The following HPS4 variants were observed in gnomAD, a reference collection of about 807,000 sequenced individuals.
HPS4 encodes the protein HPS4 biogenesis of lysosomal organelles complex 3 subunit 2, also known as BLOC-3 complex member HPS4.
A neutral mutation model predicts 70.3 loss-of-function variants in HPS4; 44 were observed. The observed-to-expected ratio is 0.63, with a 90% CI of 0.49 to 0.80. The LOEUF (loss-of-function observed/expected upper bound fraction) is 0.80, where lower values mean the gene tolerates loss of function less well. Among genes scored for constraint, HPS4 ranks in the 30% least tolerant of loss-of-function variants. HPS4 has a pLI of 0.00. For synonymous variants in HPS4, 377 were observed against 355.9 expected (o/e 1.06, Z -0.67); for missense variants, 873 against 884.4 (o/e 0.99, Z 0.16).
chr22:26,479,840 C>T (rs1324721854), intron 2 of HPS4, among the ~76,000 whole-genome samples: 1 of 152,198 alleles, frequency 6.6e-6, no homozygotes, highest in Non-Finnish European at 1.5e-5. Context: ...GTGTGCTCCG[C>T]GGTTGCTGAG....
At chr22:26,463,128 C>A (rs2087658923) in intron 11 of HPS4, among the ~76,000 whole-genome samples, 1 of 152,210 alleles carries the variant, frequency 6.6e-6, no homozygotes. Flanking sequence ...ACTTTCCCTG[C>A]CTACTAAAGC....
At chr22:26,473,430 T>G (rs1357656664) in intron 4 of HPS4, among the ~76,000 whole-genome samples, 1 of 152,212 alleles carries the variant, frequency 6.6e-6, no homozygotes, top group African/African-American at 2.4e-5. Context: ...ATCTTCCCAG[T>G]CCTAGATCTC....
chr22:26,470,730 G>A lies in HPS4; in HGVS notation c.585C>T (p.Leu195=). 1 of 1,614,072 alleles carries A rather than the reference G, an allele frequency of 6.2e-7. No individual in the cohort carries two copies. Among genetic ancestry groups the A allele is most frequent in the Non-Finnish European group, 8.5e-7 (1 of 1,180,022 alleles). ...RSPHILAGCI[L]YKGLIVSTQL... ...CTGGAGTTACTCACAGTCCTTTATA[G>A]AGGATGCAGCCAGCGAGAATGTGAG... Residue 195 remains leucine (L), a synonymous_variant, in exon 7 of 14, where the codon CTC becomes CTT. Coordinates refer to ENST00000398145, the MANE Select transcript of HPS4 (RefSeq NM_022081.6).
intron 7 of HPS4, among the ~76,000 whole-genome samples, chr22:26,469,972 C>T (rs982199082): frequency 7.0e-4 from 106 of 152,218 alleles, no homozygotes; most frequent in African/African-American, 2.5e-3. Context: ...TGCCCAAGGC[C>T]GCATGGCTGG....
At chr22:26,472,515 GA>G in intron 5 of HPS4, 97 bp from the exon 6 acceptor site, 1 of 864,622 alleles carries the variant, frequency 1.2e-6, no homozygotes, top group East Asian at 2.4e-5. Flanking sequence ...CCTCACACAG[GA>G]AACTGACCGG....
At chr22:26,469,973 G>A (rs749562883) in intron 7 of HPS4, among the ~76,000 whole-genome samples, 2 of 152,238 alleles carry the variant, frequency 1.3e-5, no homozygotes, top group Non-Finnish European at 2.9e-5. Flanking sequence ...GCCCAAGGCC[G>A]CATGGCTGGC....
chr22:26,476,854 A>G (rs2090615327), intron 4 of HPS4, 139 bp downstream of exon 4: 1 of 874,976 alleles, frequency 1.1e-6, no homozygotes, highest in Non-Finnish European at 1.9e-6. Context: ...GTACCACAGG[A>G]AGCGAGGGTG....
Position 26,482,172 on chromosome 22 carries a change from T to C in HPS4, c.-410A>G, listed in dbSNP as rs1167262309. On this transcript the variant is annotated 5_prime_UTR_variant, in exon 2 of 14. Transcript: ENST00000398145. ...CTAAAGAAATTTCTAGCTTGTCTAG[T>C]TCAAACCCATCCTGAAGACTCTTAT... is the stretch of plus-strand genomic sequence containing the variant. 8.1e-6 allele frequency: 2 copies of C among 245,610 alleles called. No individual in the cohort carries two copies. Among genetic ancestry groups the C allele is most frequent in the African/African-American group, 2.3e-5 (1 of 43,902 alleles). The allele number at this position is 245,610 out of a possible 1,614,324, so 15.2% of individuals were successfully genotyped here.
At chr22:26,462,951 T>C (rs113327130) in intron 11 of HPS4, among the ~76,000 whole-genome samples, 3 of 152,306 alleles carry the variant, frequency 2.0e-5, no homozygotes, top group East Asian at 1.9e-4. Flanking sequence ...TGCAGTCTTA[T>C]CTCTTCTTCT....
intron 3 of HPS4, chr22:26,445,099 G>A (rs1003623300): frequency 2.0e-5 from 3 of 152,536 alleles, no homozygotes; most frequent in African/African-American, 7.2e-5. Context: ...ACTTTGGGAA[G>A]CTGAGCGGGG....
At position 26,464,063 on chromosome 22, in the gene HPS4, C is replaced by T; in HGVS notation, c.1567G>A (p.Asp523Asn). 6.2e-7 allele frequency: 1 copy of T among 1,614,278 alleles called. No homozygotes were observed. The highest frequency in any genetic ancestry group is 8.5e-7 in the Non-Finnish European group (1 of 1,180,046). The change falls in exon 11 of 14, where the codon GAT (aspartate) becomes AAT (asparagine). Residue 523 changes from aspartate (D) to asparagine (N), a missense_variant. Physicochemically the swap from Asp to Asn is conservative, Grantham distance 23 (BLOSUM62 1). Coordinates refer to ENST00000398145, the MANE Select transcript of HPS4 (RefSeq NM_022081.6). ...ANCQGAGPSA[D>N]GISSRLTPAE... ...GGTGTCAGCCTGGAGCTGATTCCATCTGCAGAGGGGCCAGCACCCTGACAG... is the reference window on the plus strand; with the variant it reads ...GGTGTCAGCCTGGAGCTGATTCCATTTGCAGAGGGGCCAGCACCCTGACAG...
rs535321724 is a variant in HPS4 at position 26,459,971 on chromosome 22, C to A, written c.1714-1394G>T. On this transcript the variant is annotated intron_variant, in intron 11 of 13. Transcript: ENST00000398145. ...CATATAAAAAGTACAGAGATGCAAA[C>A]AGAATGCTTCTGAAGTAAATGTCAT... Among the ~76,000 whole-genome samples the A allele has an allele frequency of 3.9e-5, 6 of 152,306 alleles. No homozygotes were observed. The South Asian group carries it at 6.2e-4, about 16-fold the overall frequency.
chr22:26,464,015 C>A lies in HPS4; in HGVS notation c.1615G>T (p.Val539Leu), dbSNP rs116241923. Residue 539 changes from valine to leucine, a missense_variant, in exon 11 of 14, where the codon GTG (valine) becomes TTG (leucine). Coordinates refer to ENST00000398145, the MANE Select transcript of HPS4 (RefSeq NM_022081.6). ...LTPAESCMGLVRMNLYTHCVK... is the reference protein window; with the variant it reads ...LTPAESCMGLLRMNLYTHCVK... ...CAGTGAGTGTAGAGATTCATCCTCA[C>A]GAGCCCCATGCAGGACTCTGCTGGT... The A allele has an allele frequency of 3.0e-5, 48 of 1,614,262 alleles. 1 individual carries two copies. The African/African-American group carries it at 6.1e-4, about 21-fold the overall frequency.
In HPS4 at chr22:26,481,860, G is replaced by GATTCAC; in HGVS notation, c.-99_-98insGTGAAT. ...GACCGTTCCTCTATCCCCCAATCCA[G>GATTCAC]TGAATCTGGACGTGGTAGGTTTCAG... On this transcript the variant is annotated 5_prime_UTR_variant, in exon 2 of 14. Transcript: ENST00000398145. The GATTCAC allele has an allele frequency of 3.3e-6, 4 of 1,199,090 alleles. No individual in the cohort carries two copies. Among genetic ancestry groups the GATTCAC allele is most frequent in the Non-Finnish European group, 5.0e-6 (4 of 803,726 alleles). The allele number at this position is 1,199,090 out of a possible 1,614,324, so 74.3% of individuals were successfully genotyped here.
At chr22:26,478,301 G>A (rs1457319023) in intron 3 of HPS4, among the ~76,000 whole-genome samples, 1 of 152,080 alleles carries the variant, frequency 6.6e-6, no homozygotes, top group Non-Finnish European at 1.5e-5. Flanking sequence ...TGCCGGGCGT[G>A]GTGGCTCACG....
chr22:26,465,804 A>T (rs938866939), intron 9 of HPS4: 2 of 570,096 alleles, frequency 3.5e-6, no homozygotes, highest in Non-Finnish European at 6.2e-6. Flanking sequence ...AAGGTTGAAA[A>T]GCACTTTTAC....
At position 26,464,403 on chromosome 22, in the gene HPS4, G is replaced by A; in HGVS notation, c.1227C>T (p.Ser409=). 1 of 1,614,206 alleles carries A rather than the reference G, an allele frequency of 6.2e-7. No homozygotes were observed. The highest frequency in any genetic ancestry group is 8.5e-7 in the Non-Finnish European group (1 of 1,180,038). ...APYCKASLSA[S]SSLEPTPPED... is the part of the protein sequence containing the mutation. The stretch of plus-strand genomic sequence containing the variant: ...CAGGAGGCGTGGGTTCCAGGCTGCT[G>A]GAGGCGCTGAGAGATGCCTTGCAGT... Residue 409 remains serine (S), a synonymous_variant, in exon 11 of 14, where the codon TCC becomes TCT. Transcript: ENST00000398145.
At position 26,478,443 on chromosome 22, in the gene HPS4, C is replaced by T. The variant is rs138445902; in HGVS notation, c.132+822G>A. On this transcript the variant is annotated intron_variant, in intron 3 of 13. Transcript: ENST00000398145. ...AAAATTAGCCGGGCGTGGTAGCGGG[C>T]GACTGTAGTCCCAACTACTCGGGAG... is the stretch of plus-strand genomic sequence containing the variant. 3.0e-3 allele frequency among the ~76,000 whole-genome samples: 461 copies of T among 151,788 alleles called. 4 individuals carry two copies. The highest frequency in any genetic ancestry group is 0.011 in the African/African-American group (439 of 41,386).
chr22:26,447,298 C>T (rs1332553236), downstream of HPS4, among the ~76,000 whole-genome samples: 4 of 152,166 alleles, frequency 2.6e-5, no homozygotes, highest in South Asian at 2.1e-4. Flanking sequence ...GAGAAACCCA[C>T]GGAGGCAAGC....
Sources: allele counts gnomAD v4.1 joint callset (sites outside exome capture counted in the v4.1 genomes callset), GRCh38; gene constraint gnomAD v4.1.1; transcripts MANE v1.5; gene names NCBI Gene and HGNC (gene_info 2026-07-23, HGNC 2026-07-21).